PRRC1: variants seen among roughly 807,000 people sequenced by gnomAD.
PRRC1 encodes the protein protein PRRC1.
A neutral mutation model predicts 40.7 loss-of-function variants in PRRC1; 39 were observed. That is an observed-to-expected ratio of 0.96 (90% CI 0.74 to 1.25). PRRC1 has a LOEUF of 1.25. Ranked by LOEUF, PRRC1 falls within the 50% of genes most tolerant of loss-of-function variation. PRRC1 has a pLI of 0.00. For synonymous variants in PRRC1, 175 were observed against 193.3 expected (o/e 0.91, Z 0.79); for missense variants, 573 against 548.3 (o/e 1.05, Z -0.45).
At chr5:127,548,932 T>A (rs1173412401) in intron 8 of PRRC1, 1 of 152,132 alleles carries the variant, frequency 6.6e-6, no homozygotes, top group Non-Finnish European at 1.5e-5. Flanking sequence ...ATGAAGGTGA[T>A]TAAAAGACTG....
chr5:127,528,262 A>G (rs1463583520), intron 4 of PRRC1, among the ~76,000 whole-genome samples: 3 of 152,050 alleles, frequency 2.0e-5, no homozygotes, highest in Non-Finnish European at 2.9e-5. Context: ...GAAAAGTTCA[A>G]TTTCAGGAGT....
At chr5:127,541,757 TTC>T (rs1159010763) in intron 7 of PRRC1, among the ~76,000 whole-genome samples, 5 of 152,006 alleles carry the variant, frequency 3.3e-5, no homozygotes, top group African/African-American at 7.2e-5. Context: ...TATTTGATTC[TTC>T]TCTCTTTTTT....
chr5:127,526,071 G>A (rs964487348), intron 3 of PRRC1, among the ~76,000 whole-genome samples: 1 of 152,100 alleles, frequency 6.6e-6, no homozygotes, highest in African/African-American at 2.4e-5. Flanking sequence ...TCAAAACTTC[G>A]TCCTTGTCAT....
chr5:127,550,977 TAAAAA>T (rs1006318105), intron 8 of PRRC1: 3 of 152,058 alleles, frequency 2.0e-5, no homozygotes, highest in African/African-American at 4.8e-5. Flanking sequence ...TGGATATCGT[TAAAAA>T]AGAAAAAAGA....
chr5:127,535,891 A>C (rs532962338), intron 6 of PRRC1, among the ~76,000 whole-genome samples: 15 of 152,104 alleles, frequency 9.9e-5, no homozygotes, highest in Non-Finnish European at 2.1e-4. Context: ...GTGCTACATA[A>C]GTTTGAGGTG....
At chr5:127,527,048 G>C (rs1367941689) in intron 4 of PRRC1, among the ~76,000 whole-genome samples, 1 of 152,062 alleles carries the variant, frequency 6.6e-6, no homozygotes, top group Non-Finnish European at 1.5e-5. Flanking sequence ...ATATCTTCCT[G>C]GCCGTAAAAT....
Position 127,547,694 on chromosome 5 carries a change from A to G in PRRC1, c.1026-125A>G, listed in dbSNP as rs186208151. On this transcript the variant is annotated intron_variant, in intron 7 of 8. Coordinates refer to ENST00000296666, the MANE Select transcript of PRRC1 (RefSeq NM_130809.5). ...ATGAATTGTCCTTTTGCAAGTTGGT[A>G]AGAAAAAGATTTCCTTTTTGAAATC... 4.2e-5 allele frequency: 22 copies of G among 528,370 alleles called. No individual in the cohort carries two copies. The East Asian group carries it at 6.5e-4, about 16-fold the overall frequency. The allele number at this position is 528,370 out of a possible 1,614,324, so 32.7% of individuals were successfully genotyped here. A position where few individuals can be genotyped will look rare whatever the true frequency, so the allele number is the denominator to read the frequency against.
At position 127,552,004 on chromosome 5, in the gene PRRC1, T is replaced by C. The variant is rs1021184947; in HGVS notation, c.*88T>C. The C allele has an allele frequency of 6.5e-7, 1 of 1,548,018 alleles. No individual in the cohort carries two copies. The highest frequency in any genetic ancestry group is 1.4e-5 in the African/African-American group (1 of 73,212). ...TTGTACCTTCCTAAATCGAATAGTC[T>C]AAATGAATCCAGTAGTTTTTATCAT... is the stretch of plus-strand genomic sequence containing the variant. On this transcript the variant is annotated 3_prime_UTR_variant, in exon 9 of 9. Transcript: ENST00000296666.
chr5:127,522,802 G>GCT (rs1334168867), intron 1 of PRRC1, among the ~76,000 whole-genome samples: 1 of 151,784 alleles, frequency 6.6e-6, no homozygotes, highest in Admixed American at 6.6e-5. Context: ...TAGAGATCTT[G>GCT]CTCTGTCACG....
intron 2 of PRRC1, chr5:127,524,003 T>C (rs1449164455): frequency 6.3e-6 from 1 of 158,952 alleles, no homozygotes; most frequent in African/African-American, 2.4e-5. Flanking sequence ...GCCTCCCAAG[T>C]AGCTGCAATT....
At chr5:127,541,680 C>A (rs570215921) in intron 7 of PRRC1, among the ~76,000 whole-genome samples, 8 of 151,896 alleles carry the variant, frequency 5.3e-5, no homozygotes, top group Admixed American at 2.0e-4. Context: ...TTGTAGTATT[C>A]TCTGATGGTA....
chr5:127,540,173 A>T (rs969595419), intron 7 of PRRC1, among the ~76,000 whole-genome samples: 5 of 152,134 alleles, frequency 3.3e-5, no homozygotes, highest in South Asian at 4.1e-4. Flanking sequence ...TTCTAGGTTG[A>T]TAAGTTTCAA....
At chr5:127,533,872 T>TA (rs1336444030) in intron 6 of PRRC1, 86 bp downstream of exon 6, 1 of 1,399,842 alleles carries the variant, frequency 7.1e-7, no homozygotes, top group Non-Finnish European at 1.0e-6. Flanking sequence ...TCTATGGAGC[T>TA]AATAGACTTT....
intron 5 of PRRC1, among the ~76,000 whole-genome samples, chr5:127,532,354 G>A (rs1456111914): frequency 6.6e-6 from 1 of 151,994 alleles, no homozygotes. Flanking sequence ...TGATCCTCCC[G>A]CCTAGGCCTC....
chr5:127,519,895 A>G (rs539678887), intron 1 of PRRC1, among the ~76,000 whole-genome samples: 6 of 152,278 alleles, frequency 3.9e-5, no homozygotes, highest in African/African-American at 1.4e-4. Context: ...CATCAAACAC[A>G]TTGGCCTTCT....
chr5:127,551,283 A>G, intron 8 of PRRC1: 1 of 199,862 alleles, frequency 5.0e-6, no homozygotes, highest in Non-Finnish European at 1.0e-5. Context: ...TTAACATGTG[A>G]ATCACATTTC....
At chr5:127,529,963 T>C (rs1365384354) in intron 4 of PRRC1, among the ~76,000 whole-genome samples, 1 of 152,084 alleles carries the variant, frequency 6.6e-6, no homozygotes, top group Admixed American at 6.6e-5. Flanking sequence ...TGCCCAATCT[T>C]TTATATAAAT....
Position 127,553,038 on chromosome 5 carries a change from A to T in PRRC1, c.*1122A>T. On this transcript the variant is annotated 3_prime_UTR_variant, in exon 9 of 9. Coordinates refer to ENST00000296666, the MANE Select transcript of PRRC1 (RefSeq NM_130809.5). The stretch of plus-strand genomic sequence containing the variant: ...GACTTATATAAATGATAATTAAATA[A>T]ATTTTTTTCTTAATACTGTTGGACT... 1 of 734,306 alleles carries T rather than the reference A, an allele frequency of 1.4e-6. No homozygotes were observed. The highest frequency in any genetic ancestry group is 1.9e-5 in the African/African-American group (1 of 52,294). The allele number at this position is 734,306 out of a possible 1,614,324, so 45.5% of individuals were successfully genotyped here.
intron 1 of PRRC1, among the ~76,000 whole-genome samples, chr5:127,519,273 G>A (rs1445992049): frequency 6.6e-6 from 1 of 152,148 alleles, no homozygotes; most frequent in African/African-American, 2.4e-5. Flanking sequence ...ATTTACCTTC[G>A]ATGTATAGGT....
Sources: allele counts gnomAD v4.1 joint callset (sites outside exome capture counted in the v4.1 genomes callset), GRCh38; gene constraint gnomAD v4.1.1; transcripts MANE v1.5; gene names NCBI Gene and HGNC (gene_info 2026-07-23, HGNC 2026-07-21).